STRADA: variants seen among roughly 807,000 people sequenced by gnomAD.
STRADA encodes STE20-related kinase adapter protein alpha.
STRADA carries 26 observed loss-of-function variants against 55.0 expected under a neutral mutation model. The observed-to-expected ratio is 0.47, with a 90% CI of 0.35 to 0.66. STRADA has a LOEUF of 0.66. Among genes scored for constraint, STRADA ranks in the 30% least tolerant of loss-of-function variants. The probability of loss-of-function intolerance (pLI) is 0.01; values close to 1 mark genes in which losing one functional copy is unlikely to be tolerated. For synonymous variants in STRADA, 197 were observed against 210.9 expected (o/e 0.93, Z 0.57); for missense variants, 443 against 549.7 (o/e 0.81, Z 1.94).
chr17:63,726,479 C>G (rs1367758998), intron 3 of STRADA, 159 bp downstream of exon 3: 3 of 652,200 alleles, frequency 4.6e-6, no homozygotes, highest in South Asian at 2.5e-5. Flanking sequence ...GTCTTCAAAT[C>G]TTTGGGAAAC....
At chr17:63,725,762 TG>T (rs1442399716) in intron 3 of STRADA, 1 of 152,130 alleles carries the variant, frequency 6.6e-6, no homozygotes, top group Non-Finnish European at 1.5e-5. Flanking sequence ...CTCCGCCTCC[TG>T]GGTTCACGCC....
At chr17:63,731,035 C>T (rs1178657453) in intron 1 of STRADA, among the ~76,000 whole-genome samples, 2 of 151,962 alleles carry the variant, frequency 1.3e-5, no homozygotes, top group African/African-American at 4.8e-5. Flanking sequence ...CCTCCGACTC[C>T]CAGGTTCCAG....
intron 8 of STRADA, among the ~76,000 whole-genome samples, chr17:63,710,032 CTTTTTTT>C (rs199783375): frequency 2.3e-5 from 3 of 132,252 alleles, no homozygotes; most frequent in Admixed American, 2.3e-4. Flanking sequence ...ATCCTTCTCT[CTTTTTTT>C]TTTTTTTTTT....
chr17:63,726,859 A>C (rs1428176329), intron 2 of STRADA, 164 bp from the exon 3 acceptor site: 1 of 640,754 alleles, frequency 1.6e-6, no homozygotes, highest in Non-Finnish European at 2.7e-6. Flanking sequence ...TCTTGAACTA[A>C]AAACAAGATT....
Position 63,703,635 on chromosome 17 carries a change from G to A in STRADA, c.1260C>T (p.Asn420=), listed in dbSNP as rs1252549484. 3.1e-6 allele frequency: 5 copies of A among 1,614,096 alleles called. No homozygotes were observed. Among genetic ancestry groups the A allele is most frequent in the Non-Finnish European group, 3.4e-6 (4 of 1,180,040 alleles). ...DHSGIFGLVT[N]LEELEVDDWE... is the part of the protein sequence containing the mutation. ...AATCGTCCACCTCCAGCTCTTCCAG[G>A]TTTGTTACCAGGCCAAAGATTCCAC... Residue 420 remains asparagine, a synonymous_variant, in exon 13 of 13, where the codon AAC becomes AAT. Coordinates refer to ENST00000336174, the MANE Select transcript of STRADA (RefSeq NM_001003787.4).
intron 3 of STRADA, 58 bp downstream of exon 3, chr17:63,726,580 C>T (rs995122168): frequency 1.2e-5 from 19 of 1,560,032 alleles, no homozygotes; most frequent in African/African-American, 2.7e-5. Flanking sequence ...ATTTAGTCAA[C>T]AAAAAAGTAG....
intron 3 of STRADA, 123 bp downstream of exon 3, chr17:63,726,515 A>G (rs1456442179): frequency 1.1e-5 from 10 of 885,248 alleles, no homozygotes; most frequent in Non-Finnish European, 1.7e-5. Flanking sequence ...GAACCAAAGA[A>G]ATCCAACAAC....
rs1255573306 is a variant in STRADA, at chr17:63,707,347, A to T, written c.653T>A (p.Leu218His). ...KVYLSGLRSN[L>H]SMISHGQRQR... ...CCGCTGCCCATGGCTTATCATGCTG[A>T]GGTTGCTGCGCAAACCAGACAGGTA... The change falls in exon 9 of 13, where the codon CTC (leucine) becomes CAC (histidine). Residue 218 changes from leucine to histidine, a missense_variant. By Grantham distance (99) the Leu-to-His change is moderately conservative. Coordinates refer to ENST00000336174, the MANE Select transcript of STRADA (RefSeq NM_001003787.4). The T allele has an allele frequency of 1.2e-6, 2 of 1,614,124 alleles. No homozygotes were observed. Among genetic ancestry groups the T allele is most frequent in the South Asian group, 2.2e-5 (2 of 91,076 alleles).
At chr17:63,736,585 G>A (rs372900740) in intron 1 of STRADA, among the ~76,000 whole-genome samples, 277 of 151,520 alleles carry the variant, frequency 1.8e-3, no homozygotes, top group African/African-American at 6.3e-3. Context: ...CCAAGATCAC[G>A]CCATTGCACT....
In STRADA at chr17:63,739,387, A is replaced by T. The variant is rs570872885; in HGVS notation, c.-45+2354T>A. On this transcript the variant is annotated intron_variant, in intron 1 of 12. Coordinates refer to ENST00000336174, the MANE Select transcript of STRADA (RefSeq NM_001003787.4). The stretch of plus-strand genomic sequence containing the variant: ...TCTATTTTCAGATTGAATCATGTAC[A>T]GATGAACTTGCCCAGGCTGGTCTCA... Among the ~76,000 whole-genome samples, 78 of 152,186 alleles carry T rather than the reference A, an allele frequency of 5.1e-4. 1 individual carries two copies. The highest frequency in any genetic ancestry group is 1.8e-3 in the African/African-American group (75 of 41,544).
At chr17:63,704,090 T>TC in intron 11 of STRADA, 43 bp from the exon 12 acceptor site, 9 of 1,599,488 alleles carry the variant, frequency 5.6e-6, no homozygotes, top group Non-Finnish European at 7.7e-6. Context: ...CACTGCCGTG[T>TC]CCCCAGCTTC....
At chr17:63,705,473 T>G (rs564655660) in intron 10 of STRADA, 141 of 161,744 alleles carry the variant, frequency 8.7e-4, no homozygotes, top group Non-Finnish European at 1.7e-3. Flanking sequence ...TACTGAGATC[T>G]CCTAGATTCC....
chr17:63,731,836 G>A (rs9899624), intron 1 of STRADA, among the ~76,000 whole-genome samples: 2,292 of 152,124 alleles, frequency 0.015, 59 homozygotes, highest in African/African-American at 0.052. Flanking sequence ...AAAAATTTTG[G>A]AATTTAAAAA....
chr17:63,704,827 C>G, intron 10 of STRADA: 3 of 1,535,534 alleles, frequency 2.0e-6, no homozygotes, highest in Non-Finnish European at 2.6e-6. Context: ...TACCCGCTTT[C>G]GCCATGGCTG....
chr17:63,717,513 C>T (rs894722725), intron 4 of STRADA, among the ~76,000 whole-genome samples: 4 of 151,876 alleles, frequency 2.6e-5, no homozygotes, highest in Non-Finnish European at 5.9e-5. Flanking sequence ...CAGACTCTCA[C>T]TCTGTTGCCC....
In STRADA at chr17:63,740,107, T is replaced by TATATATATATACAC. The variant is rs1309095081; in HGVS notation, c.-45+1633_-45+1634insGTGTATATATATAT. Among the ~76,000 whole-genome samples, 49 of 49,650 alleles carry TATATATATATACAC rather than the reference T, an allele frequency of 9.9e-4. 5 individuals carry two copies. The highest frequency in any genetic ancestry group is 1.6e-3 in the African/African-American group (17 of 10,546). The allele number at this position is 49,650 out of a possible 152,430, so 32.6% of individuals were successfully genotyped here. A position where few individuals can be genotyped will look rare whatever the true frequency, so the allele number is the denominator to read the frequency against. On this transcript the variant is annotated intron_variant, in intron 1 of 12. Coordinates refer to ENST00000336174, the MANE Select transcript of STRADA (RefSeq NM_001003787.4). ...AACACTATATATATATATATATATA[T>TATATATATATACAC]ACATACATACATATATATATACACA...
At chr17:63,707,793 C>T (rs2036210010) in intron 8 of STRADA, among the ~76,000 whole-genome samples, 1 of 151,562 alleles carries the variant, frequency 6.6e-6, no homozygotes, top group African/African-American at 2.4e-5. Context: ...TGTAGTGGCG[C>T]CATCTCGGCT....
intron 1 of STRADA, among the ~76,000 whole-genome samples, chr17:63,740,153 C>CACATATATAT (rs2038828324): frequency 1.2e-5 from 1 of 86,274 alleles, no homozygotes; most frequent in Non-Finnish European, 2.3e-5. Context: ...TATATACACA[C>CACATATATAT]ACACACACAC....
intron 1 of STRADA, among the ~76,000 whole-genome samples, chr17:63,729,151 G>A (rs1328852482): frequency 6.6e-6 from 1 of 152,072 alleles, no homozygotes; most frequent in African/African-American, 2.4e-5. Context: ...CCCAAAGTGT[G>A]GGGGTTACCA....
Sources: allele counts gnomAD v4.1 joint callset (sites outside exome capture counted in the v4.1 genomes callset), GRCh38; gene constraint gnomAD v4.1.1; transcripts MANE v1.5; gene names NCBI Gene and HGNC (gene_info 2026-07-23, HGNC 2026-07-21).